Variants in SLC28A1 observed in about 807,000 individuals in gnomAD.
The protein encoded by SLC28A1 is sodium/nucleoside cotransporter 1.
In SLC28A1, 64 loss-of-function variants were observed where a neutral mutation model predicts 74.8. That is an observed-to-expected ratio of 0.86 (90% CI 0.70 to 1.05). The LOEUF (loss-of-function observed/expected upper bound fraction) is 1.05, where lower values mean the gene tolerates loss of function less well. Among genes scored for constraint, SLC28A1 ranks in the 50% least tolerant of loss-of-function variants. SLC28A1 has a pLI of 0.00. For missense variants in SLC28A1, 828 were observed against 822.8 expected, an observed-to-expected ratio of 1.01 and a Z score of -0.08; for synonymous variants, 359 against 335.0, an observed-to-expected ratio of 1.07 and a Z score of -0.78.
At chr15:84,947,056 C>A (rs556504789), downstream of SLC28A1, among the ~76,000 whole-genome samples, 1 of 152,230 alleles carries the variant, frequency 6.6e-6, no homozygotes, top group Non-Finnish European at 1.5e-5. Flanking sequence ...TGAGCCAGGT[C>A]CTGTTTCTGT....
intron 6 of SLC28A1, among the ~76,000 whole-genome samples, chr15:84,902,731 GTTT>G (rs200395938): frequency 3.6e-5 from 5 of 139,998 alleles, no homozygotes; most frequent in Non-Finnish European, 3.1e-5. Context: ...AAGCATTTAA[GTTT>G]TTTTTTTTTT....
the SLC28A1 span, chr15:84,961,701 T>G: frequency 6.2e-6 from 2 of 323,816 alleles, no homozygotes; most frequent in Non-Finnish European, 1.2e-5. Context: ...GGCAGCATCA[T>G]TTAATGACAG....
At chr15:84,928,680 G>A (rs1209799957) in intron 12 of SLC28A1, among the ~76,000 whole-genome samples, 1 of 146,784 alleles carries the variant, frequency 6.8e-6, no homozygotes, top group Non-Finnish European at 1.5e-5. Flanking sequence ...CTGGAGTGCA[G>A]TGGCTCAATC....
chr15:84,933,353 TG>T lies in SLC28A1; in HGVS notation c.1214+79del. The T allele has an allele frequency of 2.0e-6, 3 of 1,521,122 alleles. 1 individual carries two copies. The South Asian group carries it at 3.5e-5, about 18-fold the overall frequency. The allele number at this position is 1,521,122 out of a possible 1,614,324, so 94.2% of individuals were successfully genotyped here. On this transcript the variant is annotated intron_variant, in intron 13 of 18. Coordinates refer to ENST00000394573, the MANE Select transcript of SLC28A1 (RefSeq NM_004213.5). Reference sequence around the variant, plus strand: ...GCAAAGCAGAGGGTCCCGTTCTCTCTGTCCATCACTGTCTTCCACTAGCCTG... The same window carrying T: ...GCAAAGCAGAGGGTCCCGTTCTCTCTTCCATCACTGTCTTCCACTAGCCTG...
rs756910084 is a variant in SLC28A1 at position 84,924,897 on chromosome 15, A to ATTTTTTTTTTTTTTTTTTTTTTTT, written c.1083+795_1083+796insTTTTTTTTTTTTTTTTTTTTTTTT. ...GGGTAACTGATTTTATTTTTTATTA[A>ATTTTTTTTTTTTTTTTTTTTTTTT]TTTTTTTTGTTTGTTTGTTTTTGAG... On this transcript the variant is annotated intron_variant, in intron 12 of 18. Transcript: ENST00000394573. 1.4e-5 allele frequency among the ~76,000 whole-genome samples: 2 copies of ATTTTTTTTTTTTTTTTTTTTTTTT among 139,790 alleles called. 1 individual carries two copies. The highest frequency in any genetic ancestry group is 3.1e-5 in the Non-Finnish European group (2 of 64,268). The allele number at this position is 139,790 out of a possible 152,430, so 91.7% of individuals were successfully genotyped here.
chr15:84,944,447 C>A (rs1596370678), intron 16 of SLC28A1, 119 bp from the exon 17 acceptor site: 1 of 744,676 alleles, frequency 1.3e-6, no homozygotes, highest in Non-Finnish European at 2.4e-6. Context: ...CAACATCTGT[C>A]CCTCTGGCCA....
rs182475738 is a variant in SLC28A1 at position 84,922,520 on chromosome 15, C to T, written c.957+1451C>T. ...GCTGCCTCTGTGGCCCATCTACAAC[C>T]CCCCGCTGCCCGGGCCACCTGCCTC... On this transcript the variant is annotated intron_variant, in intron 11 of 18. Transcript: ENST00000394573. Among the ~76,000 whole-genome samples the T allele has an allele frequency of 1.6e-4, 24 of 152,188 alleles. 1 individual carries two copies. Among genetic ancestry groups the T allele is most frequent in the Admixed American group, 7.9e-4 (12 of 15,280 alleles).
chr15:84,945,280 A>G lies in SLC28A1; in HGVS notation c.*80A>G. ...CATCTGTCCCCACCTTCCCTTTCCC[A>G]GAGCCCTCTTCAGGGAAGCCACAGG... On this transcript the variant is annotated 3_prime_UTR_variant, in exon 19 of 19. Transcript: ENST00000394573. The G allele has an allele frequency of 7.3e-7, 1 of 1,362,876 alleles. No homozygotes were observed. The highest frequency in any genetic ancestry group is 1.0e-6 in the Non-Finnish European group (1 of 955,984). The allele number at this position is 1,362,876 out of a possible 1,614,324, so 84.4% of individuals were successfully genotyped here.
chr15:84,912,804 G>GCGCGCA (rs1567150807), intron 9 of SLC28A1, among the ~76,000 whole-genome samples: 4 of 58,706 alleles, frequency 6.8e-5, no homozygotes, highest in East Asian at 7.3e-4. Flanking sequence ...TTTTGCGCGC[G>GCGCGCA]CGCACACACA....
At chr15:84,936,951 G>A (rs1257752567) in intron 15 of SLC28A1, among the ~76,000 whole-genome samples, 1 of 152,002 alleles carries the variant, frequency 6.6e-6, no homozygotes, top group Admixed American at 6.6e-5. Flanking sequence ...TACTTGGGAG[G>A]CTGAGGCAGG....
intron 5 of SLC28A1, among the ~76,000 whole-genome samples, chr15:84,893,348 T>C (rs1320973046): frequency 6.6e-6 from 1 of 152,084 alleles, no homozygotes; most frequent in Admixed American, 6.5e-5. Flanking sequence ...CCATGGCCGG[T>C]GCCAGCAGCC....
the SLC28A1 span, among the ~76,000 whole-genome samples, chr15:84,963,086 G>A: frequency 0.061 from 9,316 of 152,282 alleles, 287 homozygotes; most frequent in African/African-American, 0.072. Flanking sequence ...TCTTGAGAAT[G>A]GGGGAGGGAG....
chr15:84,946,922 T>A (rs1490264006), downstream of SLC28A1, among the ~76,000 whole-genome samples: 1 of 152,232 alleles, frequency 6.6e-6, no homozygotes. Context: ...CCCTTGTGGC[T>A]GCTGGGGCCC....
intron 9 of SLC28A1, among the ~76,000 whole-genome samples, chr15:84,913,210 C>T (rs952615963): frequency 2.0e-5 from 3 of 152,116 alleles, no homozygotes; most frequent in Non-Finnish European, 4.4e-5. Context: ...GCTGCTGCCC[C>T]GAGCATCTTC....
chr15:84,926,822 C>T (rs990789745), intron 12 of SLC28A1, among the ~76,000 whole-genome samples: 10 of 147,870 alleles, frequency 6.8e-5, no homozygotes, highest in Non-Finnish European at 1.5e-4. Context: ...TGGTGGTAGG[C>T]GGTGACCAGA....
At chr15:84,962,563 G>A in the SLC28A1 span, among the ~76,000 whole-genome samples, 2 of 152,060 alleles carry the variant, frequency 1.3e-5, no homozygotes, top group East Asian at 1.9e-4. Flanking sequence ...TCAGCCTCTG[G>A]AGTAGCTGGA....
chr15:84,939,185 T>A (rs566925829), intron 15 of SLC28A1, among the ~76,000 whole-genome samples: 45 of 152,070 alleles, frequency 3.0e-4, no homozygotes, highest in African/African-American at 1.0e-3. Flanking sequence ...CCAGGTGTAG[T>A]GGTGCACGCC....
chr15:84,890,191 G>A (rs1349109915), intron 4 of SLC28A1, among the ~76,000 whole-genome samples: 1 of 152,204 alleles, frequency 6.6e-6, no homozygotes, highest in Non-Finnish European at 1.5e-5. Flanking sequence ...ACTTCCTCCT[G>A]AGCCCTGGAG....
intron 13 of SLC28A1, 24 bp from the exon 14 acceptor site, chr15:84,935,002 G>A (rs1567180262): frequency 4.3e-6 from 7 of 1,610,780 alleles, no homozygotes; most frequent in Non-Finnish European, 5.9e-6. Context: ...GGCCAGTAAT[G>A]ATCATTCTTG....
Sources: gnomAD v4.1 joint callset for allele counts (sites outside exome capture counted in the v4.1 genomes callset) on GRCh38, gnomAD v4.1.1 for gene constraint, MANE v1.5 for transcripts, NCBI Gene and HGNC (gene_info 2026-07-23, HGNC 2026-07-21) for gene names.